The following DLG2 variants were observed in gnomAD, a reference collection of about 807,000 sequenced individuals.
DLG2 encodes discs large MAGUK scaffold protein 2, also known as disks large homolog 2.
Under a neutral mutation model 132.5 loss-of-function variants are expected in DLG2, and 45 were observed. That is an observed-to-expected ratio of 0.34 (90% CI 0.27 to 0.44). The LOEUF (loss-of-function observed/expected upper bound fraction) is 0.44, where lower values mean the gene tolerates loss of function less well. Ranked by LOEUF, DLG2 falls within the 20% of genes least tolerant of loss-of-function variation. The probability of loss-of-function intolerance (pLI) is 1.00; values close to 1 mark genes in which losing one functional copy is unlikely to be tolerated. For missense variants in DLG2, 1,045 were observed against 1,196.9 expected, an observed-to-expected ratio of 0.87 and a Z score of 1.87; for synonymous variants, 424 against 419.6, an observed-to-expected ratio of 1.01 and a Z score of -0.13.
intron 4 of DLG2, among the ~76,000 whole-genome samples, chr11:85,223,877 A>G (rs968831132): frequency 6.6e-6 from 1 of 152,024 alleles, no homozygotes; most frequent in African/African-American, 2.4e-5. Flanking sequence ...TACAATACCA[A>G]CTCAAGATAA....
At chr11:84,817,730 A>T (rs2077226580) in intron 6 of DLG2, among the ~76,000 whole-genome samples, 1 of 152,000 alleles carries the variant, frequency 6.6e-6, no homozygotes, top group Non-Finnish European at 1.5e-5. Flanking sequence ...GGTGAAGACG[A>T]TTACTTTGGC....
intron 6 of DLG2, among the ~76,000 whole-genome samples, chr11:84,865,995 A>C (rs1310906513): frequency 6.6e-6 from 1 of 152,238 alleles, no homozygotes. Flanking sequence ...TCTCAGCAGC[A>C]AGAAATATGC....
chr11:83,629,292 T>C (rs981419718), intron 19 of DLG2, among the ~76,000 whole-genome samples: 1 of 152,198 alleles, frequency 6.6e-6, no homozygotes, highest in Non-Finnish European at 1.5e-5. Context: ...AAAAAATGTT[T>C]GATGAAGGTC....
At chr11:84,114,073 T>TA (rs994149752) in intron 9 of DLG2, among the ~76,000 whole-genome samples, 4 of 151,756 alleles carry the variant, frequency 2.6e-5, no homozygotes, top group African/African-American at 7.2e-5. Flanking sequence ...CTTTTTGGCT[T>TA]AAAAAAAATA....
intron 7 of DLG2, among the ~76,000 whole-genome samples, chr11:84,322,149 T>C (rs1168552462): frequency 1.3e-5 from 2 of 152,208 alleles, no homozygotes; most frequent in Non-Finnish European, 2.9e-5. Flanking sequence ...GACAAAAGTA[T>C]CTTTCAATGA....
chr11:83,883,346 C>G (rs900687827), intron 15 of DLG2, among the ~76,000 whole-genome samples: 3 of 152,078 alleles, frequency 2.0e-5, no homozygotes, highest in African/African-American at 7.2e-5. Flanking sequence ...AACCTGGGAC[C>G]CATTTTTTTT....
chr11:84,431,517 T>C (rs1047643631), intron 7 of DLG2, among the ~76,000 whole-genome samples: 1 of 152,154 alleles, frequency 6.6e-6, no homozygotes, highest in East Asian at 1.9e-4. Flanking sequence ...TGATTATATC[T>C]TTTAATTCAT....
At chr11:84,147,189 G>A (rs951869815) in intron 9 of DLG2, among the ~76,000 whole-genome samples, 8 of 151,740 alleles carry the variant, frequency 5.3e-5, no homozygotes, top group African/African-American at 1.9e-4. Flanking sequence ...CGGATCCATT[G>A]GGTTTAGTTG....
intron 7 of DLG2, among the ~76,000 whole-genome samples, chr11:84,318,525 C>T (rs2098382467): frequency 6.6e-6 from 1 of 152,110 alleles, no homozygotes. Flanking sequence ...CAGTATAGGC[C>T]TGATTTTTGC....
rs751185122 is a variant in DLG2, at chr11:84,059,469, G to A, written c.765C>T (p.Ile255=). The A allele has an allele frequency of 3.1e-6, 5 of 1,603,280 alleles. No individual in the cohort carries two copies. The South Asian group carries it at 5.6e-5, about 18-fold the overall frequency. Residue 255 remains isoleucine (I), a synonymous_variant, in exon 11 of 28, where the codon ATC becomes ATT. Transcript: ENST00000376104. ...EDGRLRVNDC[I]LRVNEVDVSE... ...ACACATCAACCTCATTCACCCGCAA[G>A]ATACAATCATTGACCCTGCAAGGAA...
At chr11:84,872,550 A>T (rs113274878) in intron 6 of DLG2, among the ~76,000 whole-genome samples, 229 of 152,316 alleles carry the variant, frequency 1.5e-3, no homozygotes, top group African/African-American at 5.3e-3. Context: ...AAGTGTAAGT[A>T]TTGCCCAGTT....
Position 85,357,925 on chromosome 11 carries a change from T to C in DLG2, c.41-72560A>G, listed in dbSNP as rs1275247394. Among the ~76,000 whole-genome samples the C allele has an allele frequency of 3.3e-5, 5 of 151,482 alleles. No individual in the cohort carries two copies. In the East Asian group the frequency reaches 9.8e-4, roughly 30 times the overall value. Reference sequence around the variant, plus strand: ...AAACTAGTAAACAGAAGTATTAGGATTCAAATCAGGCAGTCTGCCTCCAAA... The same window carrying C: ...AAACTAGTAAACAGAAGTATTAGGACTCAAATCAGGCAGTCTGCCTCCAAA... On this transcript the variant is annotated intron_variant, in intron 3 of 27. Transcript: ENST00000376104.
At chr11:85,026,674 A>G (rs982672136) in intron 6 of DLG2, among the ~76,000 whole-genome samples, 2 of 152,008 alleles carry the variant, frequency 1.3e-5, no homozygotes, top group African/African-American at 4.8e-5. Flanking sequence ...CATCTCTACT[A>G]AAAACACAAC....
At chr11:84,062,012 GA>G (rs1266263855) in intron 10 of DLG2, among the ~76,000 whole-genome samples, 2 of 152,046 alleles carry the variant, frequency 1.3e-5, no homozygotes, top group Non-Finnish European at 2.9e-5. Flanking sequence ...TCTATGCTCA[GA>G]ATACTAATTA....
At position 83,459,762 on chromosome 11, in the gene DLG2, A is replaced by G; in HGVS notation, c.*56T>C. The stretch of plus-strand genomic sequence containing the variant: ...TAAAAGCCTCCAAGTAGTATGTTAT[A>G]TATATTTTGTTCTTCTAAATGCTCT... On this transcript the variant is annotated 3_prime_UTR_variant, in exon 28 of 28. Coordinates refer to ENST00000376104, the MANE Select transcript of DLG2 (RefSeq NM_001142699.3). The G allele has an allele frequency of 1.1e-6, 1 of 917,000 alleles. No homozygotes were observed. The highest frequency in any genetic ancestry group is 1.8e-6 in the Non-Finnish European group (1 of 552,134). The allele number at this position is 917,000 out of a possible 1,614,324, so 56.8% of individuals were successfully genotyped here.
intron 7 of DLG2, among the ~76,000 whole-genome samples, chr11:84,306,482 T>C (rs1206979994): frequency 3.3e-5 from 5 of 152,206 alleles, no homozygotes; most frequent in South Asian, 2.1e-4. Flanking sequence ...ACAAAATTGC[T>C]AACAGAACAA....
At chr11:83,745,375 G>A (rs556959377) in intron 18 of DLG2, among the ~76,000 whole-genome samples, 2 of 152,264 alleles carry the variant, frequency 1.3e-5, no homozygotes, top group Admixed American at 1.3e-4. Context: ...TTCCACCTCT[G>A]TTTTTGATTT....
At chr11:84,650,575 A>G (rs1482477422) in intron 6 of DLG2, among the ~76,000 whole-genome samples, 2 of 152,132 alleles carry the variant, frequency 1.3e-5, no homozygotes, top group Non-Finnish European at 2.9e-5. Flanking sequence ...GAAGTGACAG[A>G]CACAGAGGGA....
intron 3 of DLG2, among the ~76,000 whole-genome samples, chr11:85,443,516 A>C (rs1003266954): frequency 1.3e-5 from 2 of 152,202 alleles, no homozygotes; most frequent in African/African-American, 4.8e-5. Context: ...TTACGTTTGA[A>C]AGTCATTTGC....
Sources: allele counts gnomAD v4.1 joint callset (sites outside exome capture counted in the v4.1 genomes callset), GRCh38; gene constraint gnomAD v4.1.1; transcripts MANE v1.5; gene names NCBI Gene and HGNC (gene_info 2026-07-23, HGNC 2026-07-21).